The following ATAD2B variants were observed in gnomAD, a reference collection of about 807,000 sequenced individuals.
ATAD2B encodes ATPase family AAA domain containing 2B, also known as ATPase family AAA domain-containing protein 2B.
A neutral mutation model predicts 167.6 loss-of-function variants in ATAD2B; 40 were observed. The ratio of observed to expected loss-of-function variants is 0.24; its 90% CI spans 0.19 to 0.31. ATAD2B has a LOEUF of 0.31. Ranked by LOEUF, ATAD2B falls within the 10% of genes least tolerant of loss-of-function variation. ATAD2B has a pLI of 1.00. For missense variants in ATAD2B, 1,242 were observed against 1,757.2 expected (o/e 0.71, Z 5.24); for synonymous variants, 579 against 596.5 (o/e 0.97, Z 0.43).
At chr2:23,878,598 G>A (rs1697399909) in intron 7 of ATAD2B, among the ~76,000 whole-genome samples, 1 of 152,102 alleles carries the variant, frequency 6.6e-6, no homozygotes, top group African/African-American at 2.4e-5. Context: ...GGCGGAGCTT[G>A]CAGTAAGCCG....
intron 21 of ATAD2B, among the ~76,000 whole-genome samples, chr2:23,784,107 A>G (rs1056794794): frequency 6.6e-6 from 1 of 152,182 alleles, no homozygotes; most frequent in African/African-American, 2.4e-5. Flanking sequence ...ACCTCAGAAG[A>G]TATTAGCTGG....
At chr2:23,754,340 T>C in intron 26 of ATAD2B, 33 bp from the exon 27 acceptor site, 1 of 1,526,264 alleles carries the variant, frequency 6.6e-7, no homozygotes, top group Non-Finnish European at 8.8e-7. Context: ...AAAATGTAAT[T>C]TGATTTCACT....
intron 25 of ATAD2B, chr2:23,755,056 C>T (rs960603273): frequency 1.5e-5 from 3 of 206,074 alleles, no homozygotes; most frequent in Admixed American, 5.6e-5. Flanking sequence ...AAGCAATCTT[C>T]ACCTCTAAGC....
chr2:23,797,737 T>C (rs533516879), intron 19 of ATAD2B, among the ~76,000 whole-genome samples: 2 of 152,312 alleles, frequency 1.3e-5, no homozygotes, highest in South Asian at 2.1e-4. Flanking sequence ...GGTAATTTTA[T>C]ACAATGTTTT....
chr2:23,712,405 G>A, the ATAD2B span, among the ~76,000 whole-genome samples: 18 of 152,182 alleles, frequency 1.2e-4, no homozygotes, highest in Admixed American at 1.2e-3. Context: ...CCTGGGACTG[G>A]GGTAAGGAAA....
intron 18 of ATAD2B, among the ~76,000 whole-genome samples, chr2:23,802,441 T>C (rs986204516): frequency 6.6e-6 from 1 of 152,076 alleles, no homozygotes; most frequent in Non-Finnish European, 1.5e-5. Context: ...CAAATTTCTT[T>C]ACATGCACAT....
chr2:23,877,735 G>A (rs1017361305), intron 7 of ATAD2B, among the ~76,000 whole-genome samples: 28 of 148,422 alleles, frequency 1.9e-4, no homozygotes, highest in Non-Finnish European at 3.7e-4. Flanking sequence ...AGCCAGGCAC[G>A]GTTAATCCCA....
chr2:23,863,027 T>C (rs1284012578), intron 12 of ATAD2B, among the ~76,000 whole-genome samples: 2 of 152,194 alleles, frequency 1.3e-5, no homozygotes, highest in African/African-American at 2.4e-5. Flanking sequence ...CATAAACAGT[T>C]TGTATTTGCA....
chr2:23,814,630 TTTTG>T (rs1686142869), intron 17 of ATAD2B, among the ~76,000 whole-genome samples: 1 of 151,898 alleles, frequency 6.6e-6, no homozygotes, highest in Non-Finnish European at 1.5e-5. Flanking sequence ...CCAGTTTTGG[TTTTG>T]TTTGTTTGTT....
chr2:23,914,242 T>C (rs1016039024), intron 1 of ATAD2B, among the ~76,000 whole-genome samples: 4 of 151,834 alleles, frequency 2.6e-5, no homozygotes, highest in African/African-American at 7.3e-5. Flanking sequence ...ATGAACAAAA[T>C]GAATCAAAAA....
chr2:23,717,569 A>G, the ATAD2B span, among the ~76,000 whole-genome samples: 45 of 152,338 alleles, frequency 3.0e-4, no homozygotes, highest in Middle Eastern at 0.01. Context: ...CTTCACAAAA[A>G]TAACAGGAGA....
chr2:23,679,393 G>A, the ATAD2B span, among the ~76,000 whole-genome samples: 1 of 152,188 alleles, frequency 6.6e-6, no homozygotes, highest in Non-Finnish European at 1.5e-5. Flanking sequence ...GGCTAGCCCA[G>A]GCTTGTTCCT....
the ATAD2B span, among the ~76,000 whole-genome samples, chr2:23,721,478 A>AC: frequency 2.0e-5 from 3 of 150,908 alleles, no homozygotes; most frequent in East Asian, 5.9e-4. Flanking sequence ...CCAATGGGTC[A>AC]CCCCCTGCAG....
At chr2:23,811,934 A>G (rs1288953321) in intron 17 of ATAD2B, among the ~76,000 whole-genome samples, 1 of 152,070 alleles carries the variant, frequency 6.6e-6, no homozygotes, top group Admixed American at 6.6e-5. Flanking sequence ...TACTACCCTG[A>G]CAGATGACAT....
the ATAD2B span, among the ~76,000 whole-genome samples, chr2:23,704,713 G>A: frequency 6.6e-6 from 1 of 152,208 alleles, no homozygotes; most frequent in African/African-American, 2.4e-5. Context: ...GTTGCAGTGA[G>A]CCGAGATCGC....
intron 1 of ATAD2B, among the ~76,000 whole-genome samples, chr2:23,909,178 G>A (rs566142979): frequency 6.0e-5 from 9 of 150,968 alleles, no homozygotes; most frequent in African/African-American, 1.9e-4. Context: ...CAGTGTGAGG[G>A]AAAAAAAAGA....
chr2:23,698,656 T>C, the ATAD2B span, among the ~76,000 whole-genome samples: 2 of 152,226 alleles, frequency 1.3e-5, no homozygotes, highest in South Asian at 2.1e-4. Flanking sequence ...ACCTGTATTA[T>C]ATCATTATAT....
Position 23,819,833 on chromosome 2 carries a change from TGATAAA to T in ATAD2B, c.2175_2180del (p.Leu726_Ser727del), listed in dbSNP as rs1275960822. 1 of 1,596,630 alleles carries T rather than the reference TGATAAA, an allele frequency of 6.3e-7. No homozygotes were observed. Among genetic ancestry groups the T allele is most frequent in the Non-Finnish European group, 8.6e-7 (1 of 1,164,842 alleles). On this transcript the variant is annotated inframe_deletion, in exon 17 of 28. Transcript: ENST00000238789. ...CTGAGTGACAATTGGTCTCAAAAAT[TGATAAA>T]GCATTTTCATCTTCACTATCCTCTA...
chr2:23,927,012 G>A lies in ATAD2B; in HGVS notation c.-242C>T, dbSNP rs1316174856. 32 of 492,820 alleles carry A rather than the reference G, an allele frequency of 6.5e-5. No individual in the cohort carries two copies. The highest frequency in any genetic ancestry group is 7.0e-6 in the Non-Finnish European group (2 of 284,162). 30.5% of individuals were successfully genotyped at this position (492,820 alleles called of 1,614,324 possible). On this transcript the variant is annotated 5_prime_UTR_variant, in exon 1 of 28. Coordinates refer to ENST00000238789, the MANE Select transcript of ATAD2B (RefSeq NM_017552.4). ...GACCGGCAGCACAGACACTCCGCCG[G>A]CTTCGCCCTCCTCAGCGGGAGCCGA...
Sources: gnomAD v4.1 joint callset for allele counts (sites outside exome capture counted in the v4.1 genomes callset) on GRCh38, gnomAD v4.1.1 for gene constraint, MANE v1.5 for transcripts, NCBI Gene and HGNC (gene_info 2026-07-23, HGNC 2026-07-21) for gene names.